Variants in ZDHHC11B observed in about 807,000 individuals in gnomAD.
ZDHHC11B encodes the protein probable palmitoyltransferase ZDHHC11B.
In ZDHHC11B, 17 loss-of-function variants were observed where a neutral mutation model predicts 42.3. The ratio of observed to expected loss-of-function variants is 0.40; its 90% CI spans 0.27 to 0.60. ZDHHC11B has a LOEUF of 0.60. Among genes scored for constraint, ZDHHC11B ranks in the 20% least tolerant of loss-of-function variants. The pLI is 0.41. For synonymous variants in ZDHHC11B, 123 were observed against 193.5 expected (o/e 0.64, Z 3.02); for missense variants, 262 against 463.2 (o/e 0.57, Z 3.99).
chr5:758,064 G>A (rs1192506317), intron 4 of ZDHHC11B, among the ~76,000 whole-genome samples: 1 of 151,846 alleles, frequency 6.6e-6, no homozygotes, highest in Non-Finnish European at 1.5e-5. Context: ...TGACATGACC[G>A]AGCCTGCATC....
intron 12 of ZDHHC11B, among the ~76,000 whole-genome samples, chr5:719,488 TA>T (rs1742022090): frequency 1.3e-5 from 2 of 151,330 alleles, no homozygotes; most frequent in Non-Finnish European, 2.9e-5. Context: ...ATATATTTTT[TA>T]AAAACCAAAA....
intron 1 of ZDHHC11B, among the ~76,000 whole-genome samples, chr5:779,469 C>T (rs1005475480): frequency 1.3e-5 from 2 of 149,818 alleles, no homozygotes; most frequent in Admixed American, 1.3e-4. Flanking sequence ...GGGGGTCCAC[C>T]TAAGCCAGGA....
chr5:776,621 A>C lies in ZDHHC11B; in HGVS notation c.-229-7691T>G, dbSNP rs1356389207. On this transcript the variant is annotated intron_variant, in intron 1 of 13. Transcript: ENST00000508859. ...GGTGAATGGGACAGCAACATCAAAG[A>C]CCACAGCGACCCGAAGCCCCAGAAG... Among the ~76,000 whole-genome samples, 2 of 151,820 alleles carry C rather than the reference A, an allele frequency of 1.3e-5. 1 individual carries two copies. The highest frequency in any genetic ancestry group is 4.8e-5 in the African/African-American group (2 of 41,328).
intron 6 of ZDHHC11B, among the ~76,000 whole-genome samples, chr5:751,692 T>C (rs73730934): frequency 0.75 from 94,914 of 126,182 alleles, 41,406 homozygotes; most frequent in East Asian, 0.95. Context: ...CCTCAAACCC[T>C]GCTCCCGACC....
chr5:766,945 T>C (rs746393322), intron 3 of ZDHHC11B, 26 bp from the exon 4 acceptor site: 5 of 1,606,040 alleles, frequency 3.1e-6, no homozygotes, highest in African/African-American at 1.3e-5. Flanking sequence ...GGGGAGGACC[T>C]GCGCCATCAG....
chr5:719,472 G>T (rs1456745343), intron 12 of ZDHHC11B, among the ~76,000 whole-genome samples: 1 of 151,398 alleles, frequency 6.6e-6, no homozygotes, highest in Non-Finnish European at 1.5e-5. Flanking sequence ...AGTAGAGATA[G>T]AAATTATATA....
chr5:750,853 G>A (rs1190729365), intron 7 of ZDHHC11B, among the ~76,000 whole-genome samples: 11 of 128,098 alleles, frequency 8.6e-5, no homozygotes, highest in African/African-American at 2.8e-4. Flanking sequence ...GAGGGCAGGG[G>A]CAGAGGTGGA....
intron 1 of ZDHHC11B, among the ~76,000 whole-genome samples, chr5:771,246 T>C (rs1280737798): frequency 6.6e-6 from 1 of 151,748 alleles, no homozygotes; most frequent in Non-Finnish European, 1.5e-5. Context: ...GTGGGGGTCC[T>C]GAGTGTGGCC....
intron 8 of ZDHHC11B, among the ~76,000 whole-genome samples, 192 bp from the exon 9 acceptor site, chr5:745,490 G>A (rs1194157183): frequency 4.0e-5 from 6 of 149,944 alleles, no homozygotes; most frequent in African/African-American, 1.2e-4. Flanking sequence ...TCTGCAGCTA[G>A]CTGATGGTCA....
At chr5:742,284 T>G (rs1222012149) in intron 9 of ZDHHC11B, among the ~76,000 whole-genome samples, 1 of 143,564 alleles carries the variant, frequency 7.0e-6, no homozygotes, top group Non-Finnish European at 1.5e-5. Flanking sequence ...TGTCCAGCCC[T>G]CTTGCCCATT....
chr5:777,965 C>A (rs970318049), intron 1 of ZDHHC11B, among the ~76,000 whole-genome samples: 1 of 151,890 alleles, frequency 6.6e-6, no homozygotes, highest in South Asian at 2.1e-4. Flanking sequence ...GAGCCCTGCC[C>A]AGCAGGGAGG....
intron 10 of ZDHHC11B, 42 bp from the exon 11 acceptor site, chr5:733,881 G>A (rs753575586): frequency 7.7e-6 from 12 of 1,554,512 alleles, no homozygotes; most frequent in Non-Finnish European, 1.1e-5. Context: ...TCTCAGCTTT[G>A]TGGGGGGGCT....
intron 12 of ZDHHC11B, among the ~76,000 whole-genome samples, chr5:721,681 G>T (rs949537577): frequency 1.3e-5 from 2 of 151,690 alleles, no homozygotes; most frequent in Non-Finnish European, 1.5e-5. Flanking sequence ...AGATAAGAAG[G>T]GTCTGACGTC....
At chr5:720,213 A>G (rs1454105983) in intron 12 of ZDHHC11B, among the ~76,000 whole-genome samples, 1 of 151,874 alleles carries the variant, frequency 6.6e-6, no homozygotes, top group African/African-American at 2.4e-5. Flanking sequence ...GATCTACGCT[A>G]AGACACATTA....
chr5:724,756 A>G (rs2126979958), intron 12 of ZDHHC11B, among the ~76,000 whole-genome samples: 1 of 150,600 alleles, frequency 6.6e-6, no homozygotes, highest in Middle Eastern at 3.4e-3. Flanking sequence ...ATATTTTATT[A>G]AAATTTCAAA....
At chr5:775,169 C>T (rs1736370446) in intron 1 of ZDHHC11B, among the ~76,000 whole-genome samples, 1 of 151,974 alleles carries the variant, frequency 6.6e-6, no homozygotes, top group African/African-American at 2.4e-5. Context: ...AAGTGTCCTG[C>T]AGGCCCCCTG....
intron 1 of ZDHHC11B, among the ~76,000 whole-genome samples, chr5:777,555 C>G (rs933655537): frequency 1.1e-4 from 16 of 151,924 alleles, no homozygotes; most frequent in African/African-American, 3.6e-4. Context: ...CAGGTTGCGG[C>G]AGGGCGTTCC....
intron 12 of ZDHHC11B, among the ~76,000 whole-genome samples, chr5:721,306 A>T (rs1461504878): frequency 6.6e-6 from 1 of 151,198 alleles, no homozygotes; most frequent in Non-Finnish European, 1.5e-5. Flanking sequence ...TATATGATAT[A>T]CAAAATGCAA....
At chr5:739,857 A>G (rs1439141970) in intron 10 of ZDHHC11B, among the ~76,000 whole-genome samples, 1 of 144,838 alleles carries the variant, frequency 6.9e-6, no homozygotes, top group Non-Finnish European at 1.5e-5. Flanking sequence ...CAAAAATATG[A>G]AACCAGCCTA....
Sources: gnomAD v4.1 joint callset for allele counts (sites outside exome capture counted in the v4.1 genomes callset) on GRCh38, gnomAD v4.1.1 for gene constraint, MANE v1.5 for transcripts, NCBI Gene and HGNC (gene_info 2026-07-23, HGNC 2026-07-21) for gene names.